Variants in PBX4 observed in about 807,000 individuals in gnomAD.
PBX4 encodes PBX homeobox 4, also known as pre-B-cell leukemia transcription factor 4.
In PBX4, 26 loss-of-function variants were observed where a neutral mutation model predicts 35.1. That is an observed-to-expected ratio of 0.74 (90% CI 0.54 to 1.03). PBX4 has a LOEUF of 1.03. Ranked by LOEUF, PBX4 falls within the 50% of genes least tolerant of loss-of-function variation. PBX4 has a pLI of 0.00. For synonymous variants in PBX4, 199 were observed against 204.2 expected (o/e 0.97, Z 0.22); for missense variants, 448 against 504.3 (o/e 0.89, Z 1.07).
chr19:19,584,408 C>T (rs2061475723), intron 2 of PBX4, among the ~76,000 whole-genome samples: 1 of 152,110 alleles, frequency 6.6e-6, no homozygotes, highest in South Asian at 2.1e-4. Context: ...TCGGCTCAGA[C>T]CAGCAGGGTC....
chr19:19,570,102 C>A lies in PBX4; in HGVS notation c.632+7G>T. ...CCTTGAGGTTTTGGGTACGTACAGG[C>A]CCTGACCTGGCATCGAGCAGCCGCG... is the stretch of plus-strand genomic sequence containing the variant. On this transcript the variant is annotated splice_region_variant and intron_variant, in intron 4 of 7. Coordinates refer to ENST00000251203, the MANE Select transcript of PBX4 (RefSeq NM_025245.3). 1 of 1,593,630 alleles carries A rather than the reference C, an allele frequency of 6.3e-7. No homozygotes were observed. The highest frequency in any genetic ancestry group is 1.1e-5 in the South Asian group (1 of 88,000).
intron 1 of PBX4, among the ~76,000 whole-genome samples, chr19:19,600,347 T>G (rs1319920975): frequency 2.6e-5 from 4 of 151,552 alleles, no homozygotes; most frequent in Middle Eastern, 3.4e-3. Context: ...GGCAACATGG[T>G]GAGACCCATT....
intron 3 of PBX4, 65 bp downstream of exon 3, chr19:19,570,521 T>A (rs2061375577): frequency 6.3e-7 from 1 of 1,586,800 alleles, no homozygotes; most frequent in Non-Finnish European, 8.6e-7. Context: ...GTGGTTAGCG[T>A]TCCGTGTTTC....
At chr19:19,569,093 C>T (rs2144708857) in intron 5 of PBX4, among the ~76,000 whole-genome samples, 1 of 152,304 alleles carries the variant, frequency 6.6e-6, no homozygotes, top group East Asian at 1.9e-4. Context: ...GGATCTCACT[C>T]TGTCACCCAG....
intron 1 of PBX4, among the ~76,000 whole-genome samples, chr19:19,601,725 G>C (rs35553578): frequency 0.18 from 28,027 of 152,002 alleles, 3,242 homozygotes; most frequent in East Asian, 0.28. Context: ...TGATCATGGA[G>C]GAAGGGACCA....
At chr19:19,595,949 T>C (rs1245033488) in intron 2 of PBX4, among the ~76,000 whole-genome samples, 1 of 151,500 alleles carries the variant, frequency 6.6e-6, no homozygotes, top group African/African-American at 2.4e-5. Context: ...GATATTGGAG[T>C]GGGCCAGGTA....
At chr19:19,588,358 C>A in intron 2 of PBX4, 4 of 1,303,094 alleles carry the variant, frequency 3.1e-6, no homozygotes, top group Non-Finnish European at 4.4e-6. Flanking sequence ...ACACAGTCAT[C>A]TGATGGCAAC....
intron 2 of PBX4, among the ~76,000 whole-genome samples, chr19:19,581,329 G>A (rs1253600487): frequency 6.6e-6 from 1 of 152,148 alleles, no homozygotes; most frequent in Non-Finnish European, 1.5e-5. Flanking sequence ...GGAGGGGCCT[G>A]AAGGCTGAGC....
intron 1 of PBX4, among the ~76,000 whole-genome samples, chr19:19,615,403 CAG>C (rs1555741821): frequency 6.6e-6 from 1 of 150,706 alleles, no homozygotes; most frequent in Non-Finnish European, 1.5e-5. Flanking sequence ...ATTTCTCAAA[CAG>C]AGCATCTGAA....
At position 19,562,470 on chromosome 19, in the gene PBX4, C is replaced by T. The variant is rs1442333483; in HGVS notation, c.1033-353G>A. Reference sequence around the variant, plus strand: ...CTGGAGCCCATGATGACGCCCGGAGCGTCATGGTGAGACTCGGTGGGAAAA... The same window carrying T: ...CTGGAGCCCATGATGACGCCCGGAGTGTCATGGTGAGACTCGGTGGGAAAA... On this transcript the variant is annotated intron_variant, in intron 7 of 7. Transcript: ENST00000251203. The surrounding 1 kb of genome is among the most constrained non-coding windows in gnomAD (Gnocchi z 4.8). Among the ~76,000 whole-genome samples, 1 of 151,914 alleles carries T rather than the reference C, an allele frequency of 6.6e-6. No homozygotes were observed. Among genetic ancestry groups the T allele is most frequent in the Non-Finnish European group, 1.5e-5 (1 of 67,992 alleles).
chr19:19,592,897 C>T (rs561941286), intron 2 of PBX4, among the ~76,000 whole-genome samples: 4 of 152,158 alleles, frequency 2.6e-5, no homozygotes, highest in African/African-American at 4.8e-5. Context: ...GGACAGTGTA[C>T]GGGGTGGGGC....
intron 2 of PBX4, among the ~76,000 whole-genome samples, chr19:19,588,619 A>G (rs749594334): frequency 9.2e-5 from 14 of 152,088 alleles, no homozygotes; most frequent in African/African-American, 3.1e-4. Flanking sequence ...AACAACAACA[A>G]ATGAGAGCCA....
intron 3 of PBX4, 110 bp from the exon 4 acceptor site, chr19:19,570,409 G>A (rs983842264): frequency 3.8e-5 from 55 of 1,434,632 alleles, no homozygotes; most frequent in Non-Finnish European, 4.5e-5. Flanking sequence ...TTCACACACC[G>A]GCGGGTGACT....
Position 19,618,575 on chromosome 19 carries a change from T to C in PBX4, c.55A>G (p.Thr19Ala). The change falls in exon 1 of 8, where the codon ACG (threonine) becomes GCG (alanine). Residue 19 changes from threonine to alanine, a missense_variant. Thr to Ala is a moderately conservative substitution (Grantham distance 58, BLOSUM62 0). Transcript: ENST00000251203. The stretch of plus-strand genomic sequence containing the variant: ...ATGATCTGCTGCAGGACGTCGCTCG[T>C]GTCGAGGCGCCGCGGGGCGGGGGGC... ...PSPPAPRRLD[T>A]SDVLQQIMAI... is the part of the protein sequence containing the mutation. The C allele has an allele frequency of 2.2e-6, 3 of 1,344,060 alleles. No individual in the cohort carries two copies. The highest frequency in any genetic ancestry group is 2.8e-4 in the Middle Eastern group (1 of 3,558). The allele number at this position is 1,344,060 out of a possible 1,614,324, so 83.3% of individuals were successfully genotyped here.
chr19:19,576,614 A>G (rs549005388), intron 2 of PBX4, among the ~76,000 whole-genome samples: 1 of 152,156 alleles, frequency 6.6e-6, no homozygotes, highest in East Asian at 1.9e-4. Flanking sequence ...CTAAGTGTTG[A>G]GGATTTTTAT....
intron 1 of PBX4, among the ~76,000 whole-genome samples, chr19:19,617,608 C>T (rs1490008200): frequency 1.3e-5 from 2 of 152,092 alleles, no homozygotes; most frequent in South Asian, 4.1e-4. Flanking sequence ...TTTACATTCC[C>T]TCCCCTAAAT....
chr19:19,586,807 T>C (rs1185042480), intron 2 of PBX4, among the ~76,000 whole-genome samples: 1 of 151,836 alleles, frequency 6.6e-6, no homozygotes, highest in East Asian at 2.0e-4. Context: ...GGCATGCACC[T>C]GTAGTCCCAG....
chr19:19,616,045 C>A (rs2061687290), intron 1 of PBX4, among the ~76,000 whole-genome samples: 1 of 152,176 alleles, frequency 6.6e-6, no homozygotes, highest in Non-Finnish European at 1.5e-5. Context: ...AGACCCTAGT[C>A]CCATACCCAG....
At chr19:19,569,729 G>A in intron 4 of PBX4, 145 bp from the exon 5 acceptor site, 12 of 1,140,550 alleles carry the variant, frequency 1.1e-5, no homozygotes, top group Non-Finnish European at 1.5e-5. Flanking sequence ...GGTCAACATA[G>A]TGAAACCCCG....
Sources: allele counts gnomAD v4.1 joint callset (sites outside exome capture counted in the v4.1 genomes callset), GRCh38; gene constraint gnomAD v4.1.1; non-coding constraint Gnocchi (gnomAD v3.1); transcripts MANE v1.5; gene names NCBI Gene and HGNC (gene_info 2026-07-23, HGNC 2026-07-21).